LYSMD2: variants seen among roughly 807,000 people sequenced by gnomAD.
LYSMD2 encodes the protein lysM and putative peptidoglycan-binding domain-containing protein 2.
LYSMD2 carries 6 observed loss-of-function variants against 17.7 expected under a neutral mutation model. The ratio of observed to expected loss-of-function variants is 0.34; its 90% CI spans 0.19 to 0.67. LYSMD2 has a LOEUF of 0.67. LYSMD2 is among the 30% of genes least tolerant of loss of function. The pLI is 0.69. For missense variants in LYSMD2, 237 were observed against 286.7 expected (o/e 0.83, Z 1.25); for synonymous variants, 102 against 129.8 (o/e 0.79, Z 1.45).
At chr15:51,745,978 T>C (rs1296956658) in intron 1 of LYSMD2, among the ~76,000 whole-genome samples, 5 of 152,178 alleles carry the variant, frequency 3.3e-5, no homozygotes, top group African/African-American at 1.2e-4. Flanking sequence ...TGTGGAGAAA[T>C]TGGAATTTTC....
chr15:51,747,405 C>T (rs1385176266), intron 1 of LYSMD2, among the ~76,000 whole-genome samples: 1 of 149,166 alleles, frequency 6.7e-6, no homozygotes, highest in South Asian at 2.2e-4. Context: ...GCAGGAGAAT[C>T]GCTTGAACCC....
chr15:51,738,029 T>G, upstream of LYSMD2: 1 of 154,390 alleles, frequency 6.5e-6, no homozygotes, highest in Non-Finnish European at 1.4e-5. Flanking sequence ...AACCCTGCCC[T>G]GGCCACGGCG....
chr15:51,738,782 C>T (rs1386754943), upstream of LYSMD2, among the ~76,000 whole-genome samples: 1 of 152,158 alleles, frequency 6.6e-6, no homozygotes, highest in African/African-American at 2.4e-5. Context: ...GGGAGAGGAG[C>T]AAGCTTCCAC....
chr15:51,737,855 C>G (rs1411551163), upstream of LYSMD2: 6 of 300,876 alleles, frequency 2.0e-5, no homozygotes, highest in Admixed American at 5.1e-5. This position sits in a 1 kb window ranked among gnomAD's most constrained non-coding sequence, Gnocchi z 4.2. Context: ...AGGTTAAGAG[C>G]GAAAGCAGCT....
At position 51,723,661 on chromosome 15, in the gene LYSMD2, T is replaced by C; in HGVS notation, c.606-12A>G. 1 of 1,591,020 alleles carries C rather than the reference T, an allele frequency of 6.3e-7. No homozygotes were observed. Among genetic ancestry groups the C allele is most frequent in the African/African-American group, 1.4e-5 (1 of 73,622 alleles). On this transcript the variant is annotated splice_polypyrimidine_tract_variant and intron_variant, in intron 2 of 2. Transcript: ENST00000267838. ...GACTTTCTTCATCTCTGAAAGAAAA[T>C]AAATACAGCATAAATCAGAGTTTAG...
At chr15:51,742,099 A>G (rs1433902052), upstream of LYSMD2, among the ~76,000 whole-genome samples, 2 of 151,888 alleles carry the variant, frequency 1.3e-5, no homozygotes, top group African/African-American at 2.4e-5. Context: ...CAATGGCACA[A>G]TCTCCACTCA....
At chr15:51,742,384 C>A (rs974773555), upstream of LYSMD2, among the ~76,000 whole-genome samples, 3 of 152,178 alleles carry the variant, frequency 2.0e-5, no homozygotes, top group Admixed American at 2.0e-4. Flanking sequence ...CACTTCTAAT[C>A]TACTTTCGGT....
intron 1 of LYSMD2, among the ~76,000 whole-genome samples, chr15:51,726,229 T>C (rs750370723): frequency 3.9e-5 from 6 of 152,342 alleles, no homozygotes; most frequent in South Asian, 2.1e-4. Context: ...AACATAAACA[T>C]GGGCAGGTGC....
intron 1 of LYSMD2, among the ~76,000 whole-genome samples, chr15:51,730,859 G>A (rs2055571937): frequency 6.6e-6 from 1 of 152,110 alleles, no homozygotes. Flanking sequence ...AATATTAAAT[G>A]ATTCTCCCAA....
intron 1 of LYSMD2, among the ~76,000 whole-genome samples, chr15:51,725,671 C>A (rs1184874165): frequency 6.6e-6 from 1 of 151,896 alleles, no homozygotes; most frequent in South Asian, 2.1e-4. Context: ...AGCTTATATA[C>A]CCACTCACAT....
chr15:51,731,943 G>A (rs1217925201), intron 1 of LYSMD2, among the ~76,000 whole-genome samples: 6 of 152,144 alleles, frequency 3.9e-5, no homozygotes, highest in Admixed American at 1.3e-4. Flanking sequence ...GCAAGTTTAC[G>A]TCTGAGGTTT....
intron 1 of LYSMD2, among the ~76,000 whole-genome samples, chr15:51,743,151 C>CT (rs1222746061): frequency 1.3e-5 from 2 of 152,022 alleles, no homozygotes; most frequent in East Asian, 1.9e-4. Context: ...TTTCCCCCTC[C>CT]TTTTTTTGAG....
intron 1 of LYSMD2, among the ~76,000 whole-genome samples, chr15:51,735,910 A>T (rs948596641): frequency 2.0e-5 from 3 of 152,212 alleles, no homozygotes; most frequent in Non-Finnish European, 4.4e-5. Flanking sequence ...TGAAAACCAG[A>T]TAGAAAAGAC....
chr15:51,740,376 C>T (rs1429636001), upstream of LYSMD2, among the ~76,000 whole-genome samples: 1 of 152,190 alleles, frequency 6.6e-6, no homozygotes, highest in African/African-American at 2.4e-5. Context: ...TAATATGTAT[C>T]TACCTACAAC....
upstream of LYSMD2, among the ~76,000 whole-genome samples, chr15:51,739,980 A>G (rs1030364948): frequency 6.6e-6 from 1 of 151,986 alleles, no homozygotes; most frequent in African/African-American, 2.4e-5. Context: ...TTGTTTTGAG[A>G]TAGAGTCTTG....
At chr15:51,729,324 T>C (rs1366742772) in intron 1 of LYSMD2, among the ~76,000 whole-genome samples, 1 of 152,198 alleles carries the variant, frequency 6.6e-6, no homozygotes, top group East Asian at 1.9e-4. Flanking sequence ...CTGATCACAG[T>C]TAAAGATTGC....
chr15:51,746,758 A>G (rs886353039), intron 1 of LYSMD2, among the ~76,000 whole-genome samples: 1 of 152,114 alleles, frequency 6.6e-6, no homozygotes, highest in South Asian at 2.1e-4. Context: ...CGTCTCCCAC[A>G]CTCGATAATT....
At chr15:51,738,740 G>A (rs1385729210), upstream of LYSMD2, among the ~76,000 whole-genome samples, 1 of 152,126 alleles carries the variant, frequency 6.6e-6, no homozygotes, top group East Asian at 1.9e-4. Context: ...CTGGACAGAG[G>A]CAAAGCTAAT....
intron 1 of LYSMD2, among the ~76,000 whole-genome samples, chr15:51,736,218 A>G (rs990779366): frequency 2.6e-5 from 4 of 152,194 alleles, no homozygotes; most frequent in Non-Finnish European, 1.5e-5. Flanking sequence ...GAGGGTAGCT[A>G]CTGGTATTTC....
Sources: allele counts gnomAD v4.1 joint callset (sites outside exome capture counted in the v4.1 genomes callset), GRCh38; gene constraint gnomAD v4.1.1; non-coding constraint Gnocchi (gnomAD v3.1); transcripts MANE v1.5; gene names NCBI Gene and HGNC (gene_info 2026-07-23, HGNC 2026-07-21).